The following HAPLN1 variants were observed in gnomAD, a reference collection of about 807,000 sequenced individuals.
HAPLN1 encodes the protein hyaluronan and proteoglycan link protein 1, also known as Cartilage link protein.
A neutral mutation model predicts 36.5 loss-of-function variants in HAPLN1; 13 were observed. The ratio of observed to expected loss-of-function variants is 0.36; its 90% confidence interval spans 0.23 to 0.57. The LOEUF is 0.57. Among genes scored for constraint, HAPLN1 ranks in the 20% least tolerant of loss-of-function variants. The probability of loss-of-function intolerance (pLI) is 0.83; values close to 1 mark genes in which losing one functional copy is unlikely to be tolerated. For synonymous variants in HAPLN1, 202 were observed against 169.8 expected (o/e 1.19, Z -1.48); for missense variants, 407 against 439.7 (o/e 0.93, Z 0.66).
Position 83,716,908 on chromosome 5 carries a change from T to C in HAPLN1, c.-27+3881A>G, listed in dbSNP as rs190428477. On this transcript the variant is annotated intron_variant, in intron 1 of 4. Transcript: ENST00000274341. ...TTAGCCGGGCATGGTGACACATGCT[T>C]GTAGTCCCAGCTACTCGAGAGGCTG... 1.1e-3 allele frequency among the ~76,000 whole-genome samples: 167 copies of C among 152,202 alleles called. 1 individual carries two copies. Among genetic ancestry groups the C allele is most frequent in the East Asian group, 3.9e-3 (20 of 5,158 alleles).
chr5:83,705,868 C>T (rs942598705), intron 1 of HAPLN1, among the ~76,000 whole-genome samples: 8 of 151,788 alleles, frequency 5.3e-5, no homozygotes, highest in Non-Finnish European at 1.2e-4. Context: ...TCCAAATAAA[C>T]ATGATTAGAA....
chr5:83,663,176 G>A (rs962190499), intron 2 of HAPLN1, among the ~76,000 whole-genome samples: 7 of 152,174 alleles, frequency 4.6e-5, no homozygotes, highest in South Asian at 2.1e-4. Flanking sequence ...AGCAGATACA[G>A]GTTCCCAGTG....
Position 83,639,314 on chromosome 5 carries a change from G to A in HAPLN1, c.*2182C>T, listed in dbSNP as rs1249843267. 6.6e-6 allele frequency: 1 copy of A among 152,016 alleles called. No homozygotes were observed. The highest frequency in any genetic ancestry group is 1.5e-5 in the Non-Finnish European group (1 of 67,896). 9.4% of individuals were successfully genotyped at this position (152,016 alleles called of 1,614,324 possible). A position where few individuals can be genotyped will look rare whatever the true frequency, so the allele number is the denominator to read the frequency against. On this transcript the variant is annotated 3_prime_UTR_variant, in exon 5 of 5. Transcript: ENST00000274341. ...ACACGAATGGAAAAATGATGTGTAA[G>A]TGGTATAGATTTTAATCAGCTAACA...
chr5:83,679,075 T>C (rs1270288902), intron 1 of HAPLN1, among the ~76,000 whole-genome samples: 2 of 152,222 alleles, frequency 1.3e-5, no homozygotes, highest in Non-Finnish European at 2.9e-5. Flanking sequence ...ATTTGAGTGA[T>C]ATAAGGACAT....
At chr5:83,692,881 T>C (rs1340850717) in intron 1 of HAPLN1, among the ~76,000 whole-genome samples, 2 of 151,866 alleles carry the variant, frequency 1.3e-5, no homozygotes, top group African/African-American at 2.4e-5. Flanking sequence ...AAATATGTCA[T>C]TGGAAGGTTC....
At chr5:83,714,021 G>A (rs1751855950) in intron 1 of HAPLN1, among the ~76,000 whole-genome samples, 1 of 152,196 alleles carries the variant, frequency 6.6e-6, no homozygotes, top group Non-Finnish European at 1.5e-5. Context: ...CAAAAACAGA[G>A]CTGGGGAACG....
intron 2 of HAPLN1, among the ~76,000 whole-genome samples, chr5:83,658,231 G>A (rs897574783): frequency 1.3e-5 from 2 of 152,130 alleles, no homozygotes; most frequent in African/African-American, 4.8e-5. Flanking sequence ...TTTCCTTAGG[G>A]TAGCCAAAGC....
chr5:83,684,941 TA>T (rs1359004599), intron 1 of HAPLN1, among the ~76,000 whole-genome samples: 1 of 152,174 alleles, frequency 6.6e-6, no homozygotes, highest in African/African-American at 2.4e-5. Flanking sequence ...AACACACTTT[TA>T]AAGACTTCCA....
chr5:83,676,183 TACGCACAC>T (rs1426517509), intron 1 of HAPLN1, among the ~76,000 whole-genome samples: 27,874 of 107,934 alleles, frequency 0.26, 3,204 homozygotes, highest in Admixed American at 0.37. Flanking sequence ...TACACAGAGA[TACGCACAC>T]ATATACAGAG....
At chr5:83,687,120 C>T (rs1751145977) in intron 1 of HAPLN1, among the ~76,000 whole-genome samples, 1 of 152,028 alleles carries the variant, frequency 6.6e-6, no homozygotes, top group South Asian at 2.1e-4. Context: ...TAAAGCAAAC[C>T]TCTCCTCAAA....
intron 1 of HAPLN1, among the ~76,000 whole-genome samples, chr5:83,688,512 A>G (rs950169008): frequency 6.6e-6 from 1 of 152,212 alleles, no homozygotes; most frequent in Non-Finnish European, 1.5e-5. Flanking sequence ...ACACTAGCGT[A>G]ATTGCCAAAT....
At chr5:83,682,918 G>T (rs974039388) in intron 1 of HAPLN1, among the ~76,000 whole-genome samples, 47 of 151,954 alleles carry the variant, frequency 3.1e-4, no homozygotes, top group African/African-American at 1.0e-3. Flanking sequence ...TCAGGAATTT[G>T]TTCATCCTGA....
At chr5:83,656,327 CAAAAAAAAAAAA>C (rs35902132) in intron 2 of HAPLN1, among the ~76,000 whole-genome samples, 11 of 59,804 alleles carry the variant, frequency 1.8e-4, no homozygotes, top group Non-Finnish European at 2.6e-4. Flanking sequence ...GACTACGTCT[CAAAAAAAAAAAA>C]AAAAAAAAAA....
chr5:83,677,514 A>G (rs531788819), intron 1 of HAPLN1, among the ~76,000 whole-genome samples: 1 of 152,266 alleles, frequency 6.6e-6, no homozygotes, highest in African/African-American at 2.4e-5. Flanking sequence ...TCCAGCCAAG[A>G]CCTTTTCATT....
At chr5:83,711,095 G>A (rs1333982516) in intron 1 of HAPLN1, among the ~76,000 whole-genome samples, 2 of 152,080 alleles carry the variant, frequency 1.3e-5, no homozygotes, top group Non-Finnish European at 2.9e-5. Context: ...TGGGCTCTTC[G>A]AGGTAAAGGA....
In HAPLN1 at chr5:83,644,692, G is replaced by A. The variant is rs771736990; in HGVS notation, c.473-27C>T. ...TGTCCAAAGGAGAAAGCAAGGAGTT[G>A]TTAGAAGCCCCAAAACTAACAACTC... On this transcript the variant is annotated intron_variant, in intron 3 of 4. Transcript: ENST00000274341. 77 of 1,379,778 alleles carry A rather than the reference G, an allele frequency of 5.6e-5. No individual in the cohort carries two copies. The Middle Eastern group carries it at 7.3e-4, about 13-fold the overall frequency. 85.5% of individuals were successfully genotyped at this position (1,379,778 alleles called of 1,614,324 possible). A position where few individuals can be genotyped will look rare whatever the true frequency, so the allele number is the denominator to read the frequency against.
At chr5:83,653,486 C>T (rs1186811942) in intron 2 of HAPLN1, among the ~76,000 whole-genome samples, 1 of 152,136 alleles carries the variant, frequency 6.6e-6, no homozygotes, top group East Asian at 1.9e-4. Flanking sequence ...CGACAAATTC[C>T]AGAAGATTTT....
chr5:83,662,999 C>T (rs1205559404), intron 2 of HAPLN1, among the ~76,000 whole-genome samples: 1 of 152,130 alleles, frequency 6.6e-6, no homozygotes, highest in Admixed American at 6.5e-5. Context: ...TACAATGGGT[C>T]AGGTAATAAG....
intron 1 of HAPLN1, among the ~76,000 whole-genome samples, chr5:83,712,573 A>G (rs1751815724): frequency 3.3e-5 from 5 of 152,036 alleles, no homozygotes; most frequent in Admixed American, 3.3e-4. Flanking sequence ...TCTTTTTAAT[A>G]TATTTATCTC....
Sources: allele counts gnomAD v4.1 joint callset (sites outside exome capture counted in the v4.1 genomes callset), GRCh38; gene constraint gnomAD v4.1.1; transcripts MANE v1.5; gene names NCBI Gene and HGNC (gene_info 2026-07-23, HGNC 2026-07-21).